BICRAL: variants seen among roughly 807,000 people sequenced by gnomAD.
BICRAL encodes BICRA like chromatin remodeling complex associated protein.
In BICRAL, 8 loss-of-function variants were observed where a neutral mutation model predicts 91.8. The ratio of observed to expected loss-of-function variants is 0.09; its 90% CI spans 0.05 to 0.16. BICRAL has a LOEUF of 0.16. Among genes scored for constraint, BICRAL ranks in the 10% least tolerant of loss-of-function variants. The pLI, the probability that BICRAL is intolerant of heterozygous loss-of-function variation, is 1.00. For missense variants in BICRAL, 1,038 were observed against 1,310.9 expected, an observed-to-expected ratio of 0.79 and a Z score of 3.21; for synonymous variants, 445 against 491.1, an observed-to-expected ratio of 0.91 and a Z score of 1.24.
At position 42,808,429 on chromosome 6, in the gene BICRAL, T is replaced by A. The variant is rs571550508; in HGVS notation, c.-101-1877T>A. 7.4e-4 allele frequency among the ~76,000 whole-genome samples: 113 copies of A among 152,306 alleles called. 1 individual carries two copies. The Middle Eastern group carries it at 0.014, about 18-fold the overall frequency. ...ACAGGCAAGAGCCACTGTGCCCAGCTGTTTATCTTAATGAAATGTGGGCCC... is the reference window on the plus strand; with the variant it reads ...ACAGGCAAGAGCCACTGTGCCCAGCAGTTTATCTTAATGAAATGTGGGCCC... On this transcript the variant is annotated intron_variant, in intron 1 of 12. Coordinates refer to ENST00000314073, the MANE Select transcript of BICRAL (RefSeq NM_001393499.1).
chr6:42,795,829 T>C (rs1260337840), intron 1 of BICRAL, among the ~76,000 whole-genome samples: 1 of 152,234 alleles, frequency 6.6e-6, no homozygotes, highest in East Asian at 1.9e-4. Context: ...AACTATCTAC[T>C]CTGAAATAAA....
chr6:42,796,781 T>C (rs568781954), intron 1 of BICRAL, among the ~76,000 whole-genome samples: 1 of 152,208 alleles, frequency 6.6e-6, no homozygotes, highest in South Asian at 2.1e-4. Context: ...GGTGCAGTGC[T>C]CACACCTGTA....
intron 7 of BICRAL, 120 bp from the exon 8 acceptor site, chr6:42,853,518 C>G (rs1765258059): frequency 1.4e-6 from 1 of 691,340 alleles, no homozygotes; most frequent in Non-Finnish European, 2.6e-6. Flanking sequence ...AGCAAGCAGC[C>G]ATGATAAAGA....
intron 1 of BICRAL, among the ~76,000 whole-genome samples, chr6:42,787,700 T>C (rs1250341882): frequency 6.6e-6 from 1 of 152,114 alleles, no homozygotes; most frequent in Non-Finnish European, 1.5e-5. Context: ...AATAGAGAAA[T>C]GTCTATTTGG....
At chr6:42,784,765 A>G (rs1379295463) in intron 1 of BICRAL, among the ~76,000 whole-genome samples, 1 of 152,244 alleles carries the variant, frequency 6.6e-6, no homozygotes, top group Non-Finnish European at 1.5e-5. Flanking sequence ...GTTTTTAAAT[A>G]GAGATTTGTA....
intron 1 of BICRAL, among the ~76,000 whole-genome samples, chr6:42,791,222 C>G (rs564455002): frequency 6.6e-6 from 1 of 152,238 alleles, no homozygotes; most frequent in African/African-American, 2.4e-5. Context: ...GTACCAGATC[C>G]TCTTATACCC....
At chr6:42,843,393 G>A (rs1434506944) in intron 6 of BICRAL, among the ~76,000 whole-genome samples, 3 of 152,166 alleles carry the variant, frequency 2.0e-5, no homozygotes, top group African/African-American at 7.2e-5. Context: ...GGTGAGGCGA[G>A]TAGGGTGTTA....
Position 42,814,479 on chromosome 6 carries a change from A to ATGTGTG in BICRAL, c.-6+4094_-6+4099dup, listed in dbSNP as rs35473219. ...TATACGTATACATACATATACATGC[A>ATGTGTG]TGTGTGTGTGTGTGTGTGTGTATAT... On this transcript the variant is annotated intron_variant, in intron 2 of 12. Transcript: ENST00000314073. Among the ~76,000 whole-genome samples the ATGTGTG allele has an allele frequency of 8.1e-3, 632 of 78,500 alleles. 11 individuals are homozygous for ATGTGTG. Among genetic ancestry groups the ATGTGTG allele is most frequent in the African/African-American group, 0.046 (576 of 12,422 alleles). 51.5% of individuals were successfully genotyped at this position (78,500 alleles called of 152,430 possible).
chr6:42,747,295 G>T (rs1396129824), intron 1 of BICRAL, among the ~76,000 whole-genome samples: 1 of 152,130 alleles, frequency 6.6e-6, no homozygotes, highest in Non-Finnish European at 1.5e-5. Flanking sequence ...TCAGATCTGC[G>T]GAGCTCCCGA....
chr6:42,768,511 C>T (rs1247232988), intron 1 of BICRAL, among the ~76,000 whole-genome samples: 2 of 152,188 alleles, frequency 1.3e-5, no homozygotes, highest in Admixed American at 1.3e-4. Context: ...CCAGCATATT[C>T]CAGGATCTTT....
intron 11 of BICRAL, among the ~76,000 whole-genome samples, chr6:42,860,631 G>A (rs956653848): frequency 1.3e-5 from 2 of 152,214 alleles, no homozygotes; most frequent in African/African-American, 4.8e-5. Context: ...TAAGAAGTTT[G>A]CAGAGTAATT....
intron 1 of BICRAL, among the ~76,000 whole-genome samples, chr6:42,783,052 G>A (rs1388170015): frequency 6.6e-6 from 1 of 151,880 alleles, no homozygotes; most frequent in South Asian, 2.1e-4. Context: ...CATTCCCGCC[G>A]CATCTGCGGG....
chr6:42,760,097 T>G (rs1025689440), intron 1 of BICRAL, among the ~76,000 whole-genome samples: 12 of 147,072 alleles, frequency 8.2e-5, no homozygotes, highest in African/African-American at 2.8e-4. Context: ...ATGCAAAAAT[T>G]AGCCAGGCAT....
At chr6:42,802,426 TTTTTGTTG>T (rs960899356) in intron 1 of BICRAL, among the ~76,000 whole-genome samples, 30 of 132,120 alleles carry the variant, frequency 2.3e-4, no homozygotes, top group African/African-American at 7.9e-4. Context: ...TTCGTGTTTT[TTTTTGTTG>T]TTGTTGTTGT....
chr6:42,837,171 T>A (rs1249385887), intron 6 of BICRAL, among the ~76,000 whole-genome samples: 1 of 150,998 alleles, frequency 6.6e-6, no homozygotes, highest in Admixed American at 6.6e-5. Flanking sequence ...GGTCTCGAAC[T>A]CCTGACCTCA....
At chr6:42,748,104 CTTTTTTTTTT>C (rs35511368) in intron 1 of BICRAL, among the ~76,000 whole-genome samples, 1 of 124,582 alleles carries the variant, frequency 8.0e-6, no homozygotes, top group African/African-American at 3.0e-5. Context: ...GTGCCTGGCC[CTTTTTTTTTT>C]TTTTTTTTTT....
Position 42,865,027 on chromosome 6 carries a change from C to T in BICRAL, c.2821C>T (p.Arg941Trp), listed in dbSNP as rs761085182. The stretch of plus-strand genomic sequence containing the variant: ...GTGCTCTCCCGGCCCTGAGGGGCAC[C>T]GGAAAACCTCATCCAGATCGGATCA... ...SQCSPGPEGH[R>W]KTSSRSDHGT... The change falls in exon 13 of 13, where the codon CGG becomes TGG. Residue 941 changes from arginine to tryptophan, a missense_variant. Transcript: ENST00000314073. 1.2e-5 allele frequency: 19 copies of T among 1,613,960 alleles called. No homozygotes were observed. The East Asian group carries it at 1.6e-4, about 13-fold the overall frequency.
chr6:42,854,678 T>C (rs1765290996), intron 8 of BICRAL, among the ~76,000 whole-genome samples: 1 of 151,922 alleles, frequency 6.6e-6, no homozygotes, highest in South Asian at 2.1e-4. Flanking sequence ...CCACCACGCC[T>C]GGCTAATATT....
At chr6:42,756,846 A>G (rs1265519182) in intron 1 of BICRAL, among the ~76,000 whole-genome samples, 1 of 149,782 alleles carries the variant, frequency 6.7e-6, no homozygotes, top group Non-Finnish European at 1.5e-5. Flanking sequence ...CCCCATGTGC[A>G]CATGCTTGCG....
Sources: gnomAD v4.1 joint callset for allele counts (sites outside exome capture counted in the v4.1 genomes callset) on GRCh38, gnomAD v4.1.1 for gene constraint, MANE v1.5 for transcripts, NCBI Gene and HGNC (gene_info 2026-07-23, HGNC 2026-07-21) for gene names.